TBX1: variants seen among roughly 807,000 people sequenced by gnomAD.
TBX1 encodes T-box transcription factor TBX1.
TBX1 carries 16 observed loss-of-function variants against 40.8 expected under a neutral mutation model. The ratio of observed to expected loss-of-function variants is 0.39; its 90% confidence interval spans 0.27 to 0.60. The LOEUF (loss-of-function observed/expected upper bound fraction) is 0.60, where lower values mean the gene tolerates loss of function less well. Among genes scored for constraint, TBX1 ranks in the 20% least tolerant of loss-of-function variants. The pLI is 0.51. For synonymous variants in TBX1, 403 were observed against 336.8 expected (o/e 1.20, Z -2.15); for missense variants, 755 against 728.5 (o/e 1.04, Z -0.42).
At chr22:19,759,730 A>T (rs1233535304), upstream of TBX1, 18 of 1,600,852 alleles carry the variant, frequency 1.1e-5, no homozygotes, top group East Asian at 4.1e-4. Context: ...CCCCTGCCTC[A>T]GCTGCTGTGG....
chr22:19,780,609 T>G (rs1028133358), downstream of TBX1, among the ~76,000 whole-genome samples: 4 of 152,172 alleles, frequency 2.6e-5, no homozygotes, highest in Non-Finnish European at 5.9e-5. Flanking sequence ...AGCCCTGCTT[T>G]CAGTTCTCTT....
chr22:19,770,153 C>T (rs1395148804), downstream of TBX1, among the ~76,000 whole-genome samples: 2 of 152,220 alleles, frequency 1.3e-5, no homozygotes, highest in African/African-American at 2.4e-5. Flanking sequence ...CCTAGCCTGG[C>T]TGCAGACGTC....
chr22:19,768,119 T>G (rs1360788201), downstream of TBX1, among the ~76,000 whole-genome samples: 8 of 151,958 alleles, frequency 5.3e-5, no homozygotes, highest in Admixed American at 5.2e-4. Context: ...TGACAGCCGG[T>G]CAGCGCCAAG....
chr22:19,757,849 G>C (rs763645485), upstream of TBX1, among the ~76,000 whole-genome samples: 4 of 152,192 alleles, frequency 2.6e-5, no homozygotes, highest in African/African-American at 4.8e-5. Context: ...CATTGTCACT[G>C]TCATGGCCCA....
chr22:19,768,433 G>C (rs780138612), downstream of TBX1, among the ~76,000 whole-genome samples: 2 of 152,188 alleles, frequency 1.3e-5, no homozygotes, highest in African/African-American at 2.4e-5. Flanking sequence ...GGTGGGAGGG[G>C]GTCTCCAGGG....
chr22:19,777,295 G>A (rs1937080896), intron 8 of TBX1, among the ~76,000 whole-genome samples: 1 of 151,668 alleles, frequency 6.6e-6, no homozygotes, highest in Admixed American at 6.6e-5. Context: ...CCACCTATGA[G>A]TGAGAACATG....
chr22:19,766,828 A>G lies in TBX1; in HGVS notation c.1476A>G (p.Gly492=), dbSNP rs1229395713. ...AAAANMYSSA[G]AAPPGSYDYC... is the part of the protein sequence containing the mutation. ...CCGCCAACATGTACTCGTCGGCCGG[A>G]GCCGCGCCGCCCGGCTCCTACGACT... Residue 492 remains glycine, a synonymous_variant, in exon 7 of 7, where the codon GGA becomes GGG. Transcript: ENST00000649276. 6.4e-7 allele frequency: 1 copy of G among 1,555,486 alleles called. No homozygotes were observed. Among genetic ancestry groups the G allele is most frequent in the Admixed American group, 1.8e-5 (1 of 56,030 alleles).
chr22:19,761,328 C>A, intron 1 of TBX1, 48 bp downstream of exon 1: 1 of 1,510,692 alleles, frequency 6.6e-7, no homozygotes, highest in South Asian at 1.2e-5. Context: ...GTGCTGCCGC[C>A]AGGGCTGCGG....
chr22:19,763,719 C>G (rs566932730), intron 2 of TBX1: 6 of 396,636 alleles, frequency 1.5e-5, no homozygotes, highest in South Asian at 8.7e-5. Flanking sequence ...GGAGCTGGGC[C>G]GGAAAGGTGG....
Position 19,766,777 on chromosome 22 carries a change from C to G in TBX1, c.1425C>G (p.Ala475=), listed in dbSNP as rs754705790. 6.8e-7 allele frequency: 1 copy of G among 1,480,940 alleles called. No homozygotes were observed. Among genetic ancestry groups the G allele is most frequent in the Non-Finnish European group, 8.8e-7 (1 of 1,130,558 alleles). 91.7% of individuals were successfully genotyped at this position (1,480,940 alleles called of 1,614,324 possible). The change falls in exon 7 of 7, where the codon GCC becomes GCG. Residue 475 remains alanine, a synonymous_variant. Coordinates refer to ENST00000649276, the MANE Select transcript of TBX1 (RefSeq NM_001379200.1). Reference sequence around the variant, plus strand: ...CCGTGAGTCCAGCCGCCGCGGCCGCCGCCGCCGCTGCCGCAGCTGCCGCGG... The same window carrying G: ...CCGTGAGTCCAGCCGCCGCGGCCGCGGCCGCCGCTGCCGCAGCTGCCGCGG... The part of the protein sequence containing the change: ...HHPVSPAAAA[A]AAAAAAAAAA...
chr22:19,780,070 T>C (rs758444241), downstream of TBX1, among the ~76,000 whole-genome samples: 2 of 152,282 alleles, frequency 1.3e-5, no homozygotes, highest in Admixed American at 6.5e-5. Context: ...TATTTGCTAG[T>C]TAGCTAGACT....
chr22:19,775,633 G>T (rs1479550068), intron 8 of TBX1, among the ~76,000 whole-genome samples: 2 of 152,182 alleles, frequency 1.3e-5, no homozygotes, highest in African/African-American at 2.4e-5. Flanking sequence ...CTCCTGCAAT[G>T]CACGCTCGGA....
In TBX1 at chr22:19,766,212, G is replaced by A. The variant is rs1936836785; in HGVS notation, c.1037-177G>A. On this transcript the variant is annotated intron_variant, in intron 6 of 6. Transcript: ENST00000649276. Reference sequence around the variant, plus strand: ...GCCGCCGCCGCCCGCAGAGGGGCGCGGGCCCCGGGGAGGGCTCGGGGCGCC... The same window carrying A: ...GCCGCCGCCGCCCGCAGAGGGGCGCAGGCCCCGGGGAGGGCTCGGGGCGCC... 6 of 985,784 alleles carry A rather than the reference G, an allele frequency of 6.1e-6. No homozygotes were observed. In the Admixed American group the frequency reaches 2.2e-4, roughly 36 times the overall value. 61.1% of individuals were successfully genotyped at this position (985,784 alleles called of 1,614,324 possible).
At position 19,766,545 on chromosome 22, in the gene TBX1, CCGGAGGCCGGCCCAG is replaced by C; in HGVS notation, c.1194_1208del (p.Gly399_Ser403del). ...GGCTTAGTCCCGCTGCCCGGCGCGC[CCGGAGGCCGGCCCAG>C]TCCCCCGAACCCCGAGCTGCGCCTG... On this transcript the variant is annotated inframe_deletion, in exon 7 of 7. Transcript: ENST00000649276. 1 of 1,358,116 alleles carries C rather than the reference CCGGAGGCCGGCCCAG, an allele frequency of 7.4e-7. No homozygotes were observed. The highest frequency in any genetic ancestry group is 9.4e-7 in the Non-Finnish European group (1 of 1,058,834). The allele number at this position is 1,358,116 out of a possible 1,614,324, so 84.1% of individuals were successfully genotyped here. A position where few individuals can be genotyped will look rare whatever the true frequency, so the allele number is the denominator to read the frequency against.
At chr22:19,763,456 C>A in intron 2 of TBX1, 114 bp downstream of exon 2, 2 of 896,250 alleles carry the variant, frequency 2.2e-6, no homozygotes, top group Non-Finnish European at 3.5e-6. Context: ...CTTTAGGCAC[C>A]TGCGATGCTG....
In TBX1 at chr22:19,763,594, G is replaced by A. The variant is rs1936738068; in HGVS notation, c.539+252G>A. On this transcript the variant is annotated intron_variant, in intron 2 of 6. Coordinates refer to ENST00000649276, the MANE Select transcript of TBX1 (RefSeq NM_001379200.1). ...GCTCTTGCTCCCCTGGGCTGGTGTG[G>A]CCCTAGGGTGGTCAGCCAAGTACTC... 7.3e-5 allele frequency: 40 copies of A among 546,114 alleles called. No individual in the cohort carries two copies. In the South Asian group the frequency reaches 7.9e-4, roughly 11 times the overall value. The allele number at this position is 546,114 out of a possible 1,614,324, so 33.8% of individuals were successfully genotyped here.
chr22:19,779,113 C>T, intron 8 of TBX1: 6 of 1,337,816 alleles, frequency 4.5e-6, no homozygotes, highest in Non-Finnish European at 6.3e-6. Context: ...TCCTGCCCTT[C>T]CATGCGGTTC....
At chr22:19,772,464 C>A (rs947156783) in intron 8 of TBX1, among the ~76,000 whole-genome samples, 2 of 151,924 alleles carry the variant, frequency 1.3e-5, no homozygotes, top group Non-Finnish European at 2.9e-5. Flanking sequence ...TGCCACCACA[C>A]CCTGCTAATA....
chr22:19,771,734 T>C (rs1936993386), downstream of TBX1, among the ~76,000 whole-genome samples: 1 of 152,226 alleles, frequency 6.6e-6, no homozygotes, highest in Non-Finnish European at 1.5e-5. Flanking sequence ...CAGGGTTTTT[T>C]GCCTGCATTT....
Sources: gnomAD v4.1 joint callset for allele counts (sites outside exome capture counted in the v4.1 genomes callset) on GRCh38, gnomAD v4.1.1 for gene constraint, MANE v1.5 for transcripts, NCBI Gene and HGNC (gene_info 2026-07-23, HGNC 2026-07-21) for gene names.